GRIN2A: variants seen among roughly 807,000 people sequenced by gnomAD.
GRIN2A encodes the protein glutamate receptor ionotropic, NMDA 2A.
A neutral mutation model predicts 113.4 loss-of-function variants in GRIN2A; 22 were observed. The ratio of observed to expected loss-of-function variants is 0.19; its 90% confidence interval spans 0.14 to 0.28. GRIN2A has a LOEUF of 0.28. Ranked by LOEUF, GRIN2A falls within the 10% of genes least tolerant of loss-of-function variation. The pLI is 1.00. For synonymous variants in GRIN2A, 827 were observed against 738.4 expected (o/e 1.12, Z -1.94); for missense variants, 1,502 against 1,887.0 (o/e 0.80, Z 3.78).
chr16:9,937,750 G>A, intron 3 of GRIN2A: 1 of 592,258 alleles, frequency 1.7e-6, no homozygotes, highest in Non-Finnish European at 3.0e-6. Flanking sequence ...AGAAAAAAAA[G>A]TTAAGTTGCA....
At chr16:9,913,231 G>A (rs1036845916) in intron 3 of GRIN2A, among the ~76,000 whole-genome samples, 9 of 152,216 alleles carry the variant, frequency 5.9e-5, no homozygotes, top group African/African-American at 2.2e-4. Flanking sequence ...TTAAAACTCT[G>A]AAGCCAGTTC....
chr16:10,017,313 C>G (rs2046629425), intron 2 of GRIN2A, among the ~76,000 whole-genome samples: 2 of 151,738 alleles, frequency 1.3e-5, no homozygotes, highest in Admixed American at 6.6e-5. Flanking sequence ...TTAAGTGCTA[C>G]AATGGCAGCA....
intron 3 of GRIN2A, among the ~76,000 whole-genome samples, chr16:9,917,623 T>A (rs1311120938): frequency 6.6e-6 from 1 of 152,240 alleles, no homozygotes; most frequent in African/African-American, 2.4e-5. Flanking sequence ...GATCTTATAA[T>A]AGCTAGACTC....
chr16:9,819,332 G>C (rs917742732), intron 10 of GRIN2A, among the ~76,000 whole-genome samples: 1 of 151,702 alleles, frequency 6.6e-6, no homozygotes, highest in Non-Finnish European at 1.5e-5. Flanking sequence ...ATCAGCCTGG[G>C]TAACACGGCA....
At chr16:9,808,357 G>T (rs2141261595) in intron 10 of GRIN2A, among the ~76,000 whole-genome samples, 1 of 152,200 alleles carries the variant, frequency 6.6e-6, no homozygotes, top group Non-Finnish European at 1.5e-5. Context: ...TCGAATCCAG[G>T]ATGCTTATCC....
chr16:10,016,259 T>A (rs1019025636), intron 2 of GRIN2A, among the ~76,000 whole-genome samples: 1 of 152,108 alleles, frequency 6.6e-6, no homozygotes, highest in Non-Finnish European at 1.5e-5. Flanking sequence ...GAAAGACACT[T>A]TGGATACCTG....
chr16:10,046,796 C>T (rs1347257798), intron 2 of GRIN2A, among the ~76,000 whole-genome samples: 1 of 152,198 alleles, frequency 6.6e-6, no homozygotes, highest in African/African-American at 2.4e-5. Context: ...GGTATCATTA[C>T]ATTTTCAGTC....
chr16:10,104,781 AC>A (rs1052613001), intron 2 of GRIN2A, among the ~76,000 whole-genome samples: 1 of 152,068 alleles, frequency 6.6e-6, no homozygotes, highest in Admixed American at 6.6e-5. Flanking sequence ...AACATCGTAG[AC>A]CCCACTGTGT....
chr16:10,085,373 C>G (rs1019463187), intron 2 of GRIN2A, among the ~76,000 whole-genome samples: 1 of 152,056 alleles, frequency 6.6e-6, no homozygotes, highest in Admixed American at 6.5e-5. Context: ...AAGAAGGGCA[C>G]GCAAATGCAC....
intron 2 of GRIN2A, among the ~76,000 whole-genome samples, chr16:10,036,023 A>G (rs2047019000): frequency 6.6e-6 from 1 of 152,060 alleles, no homozygotes; most frequent in East Asian, 1.9e-4. Flanking sequence ...CATGCCCAGC[A>G]CGATTAATGG....
intron 3 of GRIN2A, among the ~76,000 whole-genome samples, chr16:9,915,366 T>C (rs2044228032): frequency 1.3e-5 from 2 of 152,052 alleles, no homozygotes; most frequent in African/African-American, 2.4e-5. Context: ...CCCTTAATAA[T>C]AGCCACCTTC....
chr16:10,023,717 G>C (rs2046767650), intron 2 of GRIN2A, among the ~76,000 whole-genome samples: 1 of 152,172 alleles, frequency 6.6e-6, no homozygotes, highest in African/African-American at 2.4e-5. Flanking sequence ...TGGCTTGCCA[G>C]TTGAACCTAC....
intron 3 of GRIN2A, among the ~76,000 whole-genome samples, chr16:9,927,601 G>T (rs1022197531): frequency 6.6e-6 from 1 of 152,158 alleles, no homozygotes; most frequent in Non-Finnish European, 1.5e-5. Context: ...ATTGCTACCT[G>T]CAGTAAAAAC....
chr16:9,901,277 G>A (rs1244266133), intron 3 of GRIN2A, among the ~76,000 whole-genome samples: 1 of 152,116 alleles, frequency 6.6e-6, no homozygotes, highest in East Asian at 1.9e-4. Flanking sequence ...GCCCTACTTT[G>A]TCTCTCTGTC....
At chr16:9,979,145 C>T (rs1471147080) in intron 2 of GRIN2A, among the ~76,000 whole-genome samples, 1 of 152,100 alleles carries the variant, frequency 6.6e-6, no homozygotes, top group Non-Finnish European at 1.5e-5. Flanking sequence ...TTTATTTTAT[C>T]TACTCAAAAG....
intron 2 of GRIN2A, among the ~76,000 whole-genome samples, chr16:9,969,197 G>A (rs1304626863): frequency 5.3e-5 from 8 of 152,034 alleles, no homozygotes; most frequent in African/African-American, 1.4e-4. Context: ...TGATCTCCTC[G>A]TCCCATGGTC....
At chr16:10,055,092 AG>A (rs1567266474) in intron 2 of GRIN2A, among the ~76,000 whole-genome samples, 3,573 of 74,470 alleles carry the variant, frequency 0.048, 335 homozygotes, top group East Asian at 0.099. Flanking sequence ...AAAAGAAAAA[AG>A]AAAGAAAGAA....
At chr16:10,161,598 C>T (rs1470096083) in intron 2 of GRIN2A, among the ~76,000 whole-genome samples, 2 of 152,194 alleles carry the variant, frequency 1.3e-5, no homozygotes, top group African/African-American at 2.4e-5. Context: ...GTTTATCAGA[C>T]GCTGTCCCTG....
At chr16:9,913,402 C>G (rs758236278) in intron 3 of GRIN2A, among the ~76,000 whole-genome samples, 3 of 152,268 alleles carry the variant, frequency 2.0e-5, no homozygotes, top group Non-Finnish European at 4.4e-5. Flanking sequence ...TTCCAGGGAC[C>G]TTTATGTAAA....
Sources: allele counts gnomAD v4.1 joint callset (sites outside exome capture counted in the v4.1 genomes callset), GRCh38; gene constraint gnomAD v4.1.1; transcripts MANE v1.5; gene names NCBI Gene and HGNC (gene_info 2026-07-23, HGNC 2026-07-21).